Variants in USP9X observed in about 807,000 individuals in gnomAD.
USP9X encodes ubiquitin specific peptidase 9 X-linked.
Under a neutral mutation model 190.3 loss-of-function variants are expected in USP9X, and 7 were observed. The ratio of observed to expected loss-of-function variants is 0.04; its 90% CI spans 0.02 to 0.07. The LOEUF is 0.07. Ranked by LOEUF, USP9X falls within the 10% of genes least tolerant of loss-of-function variation. USP9X has a pLI of 1.00. For missense variants in USP9X, 1,010 were observed against 1,916.9 expected (o/e 0.53, Z 8.83); for synonymous variants, 645 against 659.5 (o/e 0.98, Z 0.34).
intron 2 of USP9X, among the ~76,000 whole-genome samples, chrX:41,125,498 G>A (rs2062230287): frequency 9.3e-6 from 1 of 107,472 alleles, no homozygotes; most frequent in African/African-American, 3.4e-5. Context: ...AGTTGTTAAC[G>A]ACCCTTTTTA....
chrX:41,175,832 C>T (rs919996971), intron 21 of USP9X, among the ~76,000 whole-genome samples: 3 of 104,568 alleles, frequency 2.9e-5, no homozygotes, highest in East Asian at 3.2e-4. Flanking sequence ...TGGGGTCACA[C>T]GACTTCCTCC....
At chrX:41,121,304 G>A (rs1178841108) in intron 1 of USP9X, among the ~76,000 whole-genome samples, 1 of 111,298 alleles carries the variant, frequency 9.0e-6, no homozygotes, top group Non-Finnish European at 1.9e-5. Context: ...AAGTCTTAGA[G>A]TCAGATGTGA....
At chrX:41,194,743 G>A (rs1464384213) in intron 26 of USP9X, among the ~76,000 whole-genome samples, 1 of 110,922 alleles carries the variant, frequency 9.0e-6, no homozygotes, top group Non-Finnish European at 1.9e-5. Flanking sequence ...CATCAAGAAA[G>A]CCCCTACCCT....
At chrX:41,180,171 G>C (rs943260443) in intron 21 of USP9X, among the ~76,000 whole-genome samples, 7 of 112,199 alleles carry the variant, frequency 6.2e-5, no homozygotes, top group Non-Finnish European at 1.3e-4. Flanking sequence ...ATTATTATGG[G>C]ACAGAAGCAT....
intron 24 of USP9X, 53 bp from the exon 25 acceptor site, chrX:41,187,939 A>T: frequency 8.7e-7 from 1 of 1,151,973 alleles, no homozygotes; most frequent in Non-Finnish European, 1.2e-6. Context: ...GTTTTTCTAA[A>T]CATAATTTCA....
intron 1 of USP9X, among the ~76,000 whole-genome samples, chrX:41,093,867 G>A (rs2061970517): frequency 8.9e-6 from 1 of 112,191 alleles, no homozygotes; most frequent in Non-Finnish European, 1.9e-5. Flanking sequence ...TGTACTCTGT[G>A]AGTGGGAAAA....
chrX:41,142,065 A>G (rs776474928), intron 9 of USP9X, among the ~76,000 whole-genome samples: 1 of 111,474 alleles, frequency 9.0e-6, no homozygotes, highest in East Asian at 2.8e-4. Flanking sequence ...CTTGCCCTCA[A>G]GGAGCCCTCA....
At chrX:41,193,143 G>C (rs1009603526) in intron 26 of USP9X, among the ~76,000 whole-genome samples, 1 of 110,975 alleles carries the variant, frequency 9.0e-6, no homozygotes, top group Non-Finnish European at 1.9e-5. Context: ...AGGCGGTAGG[G>C]GACGGGGACA....
At chrX:41,211,936 C>T (rs1267695803) in intron 33 of USP9X, among the ~76,000 whole-genome samples, 4 of 113,444 alleles carry the variant, frequency 3.5e-5, no homozygotes, top group Non-Finnish European at 7.5e-5. Flanking sequence ...CCCCTCTGCC[C>T]GGCCACCACC....
chrX:41,114,583 C>T lies in USP9X; in HGVS notation c.-158-8888C>T, dbSNP rs184663839. ...GCAACCTCCACCTCCCGAGTTCAAG[C>T]GATTCTCTGCCTCAGCCTCCCTAGT... On this transcript the variant is annotated intron_variant, in intron 1 of 44. Coordinates refer to ENST00000378308, the MANE Select transcript of USP9X (RefSeq NM_001039591.3). Among the ~76,000 whole-genome samples the T allele has an allele frequency of 3.7e-5, 4 of 106,993 alleles. No individual in the cohort carries two copies. In the Admixed American group the frequency reaches 4.0e-4, roughly 11 times the overall value. The allele number at this position is 106,993 out of a possible 115,157, so 92.9% of individuals were successfully genotyped here. A position where few individuals can be genotyped will look rare whatever the true frequency, so the allele number is the denominator to read the frequency against.
intron 1 of USP9X, among the ~76,000 whole-genome samples, chrX:41,097,996 T>C (rs2062005043): frequency 9.0e-6 from 1 of 111,655 alleles, no homozygotes; most frequent in Non-Finnish European, 1.9e-5. Context: ...TGCACAAATA[T>C]GAGATTGTAT....
intron 20 of USP9X, among the ~76,000 whole-genome samples, chrX:41,171,432 G>A (rs1301248960): frequency 8.9e-6 from 1 of 112,194 alleles, no homozygotes; most frequent in Non-Finnish European, 1.9e-5. Context: ...ATATTTTTAA[G>A]CTCTCCTTTC....
chrX:41,094,836 C>G (rs12689871), intron 1 of USP9X, among the ~76,000 whole-genome samples: 136 of 107,640 alleles, frequency 1.3e-3, no homozygotes, highest in Non-Finnish European at 2.4e-3. Flanking sequence ...GTCAGGAGTT[C>G]GAGACCAGCC....
chrX:41,190,130 A>G (rs751886853), intron 26 of USP9X, among the ~76,000 whole-genome samples: 1 of 112,359 alleles, frequency 8.9e-6, no homozygotes, highest in Non-Finnish European at 1.9e-5. Flanking sequence ...TTGTGAAAAG[A>G]CACAGAAAAT....
Position 41,144,548 on chromosome X carries a change from G to A in USP9X, c.1341G>A (p.Lys447=). ...CAGGGAAACATGAAGCCATTGTGAA[G>A]AATGTACATGATCTCCTGGCAAAAT... ...AQAGKHEAIV[K]NVHDLLAKLA... The change falls in exon 11 of 45, where the codon AAG becomes AAA. Residue 447 remains lysine, a synonymous_variant. Coordinates refer to ENST00000378308, the MANE Select transcript of USP9X (RefSeq NM_001039591.3). The A allele has an allele frequency of 8.3e-7, 1 of 1,210,052 alleles. No individual in the cohort carries two copies. Among genetic ancestry groups the A allele is most frequent in the African/African-American group, 1.7e-5 (1 of 57,611 alleles).
At chrX:41,194,106 T>TC (rs895333070) in intron 26 of USP9X, among the ~76,000 whole-genome samples, 3 of 111,619 alleles carry the variant, frequency 2.7e-5, no homozygotes, top group African/African-American at 9.8e-5. Context: ...TTACTTGGGT[T>TC]CCCCCCAAAT....
chrX:41,199,558 A>G (rs1368042529), intron 30 of USP9X, among the ~76,000 whole-genome samples: 1 of 110,663 alleles, frequency 9.0e-6, no homozygotes, highest in African/African-American at 3.3e-5. Flanking sequence ...GCCTGCCACC[A>G]TGCCTGGCTA....
chrX:41,150,020 A>G (rs998593077), intron 12 of USP9X, among the ~76,000 whole-genome samples: 4 of 111,313 alleles, frequency 3.6e-5, no homozygotes, highest in African/African-American at 1.3e-4. Flanking sequence ...ATAATTACTA[A>G]TAGTTTATAC....
chrX:41,114,038 C>T (rs1311528889), intron 1 of USP9X, among the ~76,000 whole-genome samples: 4 of 112,598 alleles, frequency 3.6e-5, no homozygotes, highest in Non-Finnish European at 5.6e-5. Context: ...TCTCCTTTTG[C>T]TACTGCGATG....
Sources: allele counts gnomAD v4.1 joint callset (sites outside exome capture counted in the v4.1 genomes callset), GRCh38; gene constraint gnomAD v4.1.1; transcripts MANE v1.5; gene names NCBI Gene and HGNC (gene_info 2026-07-23, HGNC 2026-07-21).